Variants in NRXN1 observed in about 807,000 individuals in gnomAD.
NRXN1 encodes the protein neurexin-1.
In NRXN1, 39 loss-of-function variants were observed where a neutral mutation model predicts 150.9. That is an observed-to-expected ratio of 0.26 (90% CI 0.20 to 0.34). The LOEUF (loss-of-function observed/expected upper bound fraction) is 0.34. Ranked by LOEUF, NRXN1 falls within the 10% of genes least tolerant of loss-of-function variation. The probability of loss-of-function intolerance (pLI) is 1.00; values close to 1 mark genes in which losing one functional copy is unlikely to be tolerated. For missense variants in NRXN1, 1,815 were observed against 1,949.9 expected (o/e 0.93, Z 1.30); for synonymous variants, 924 against 757.0 (o/e 1.22, Z -3.62).
intron 17 of NRXN1, among the ~76,000 whole-genome samples, chr2:50,453,346 A>C (rs947842857): frequency 1.3e-5 from 2 of 152,192 alleles, no homozygotes; most frequent in African/African-American, 2.4e-5. Context: ...GACAATGCTG[A>C]TCCAGGTACC....
intron 21 of NRXN1, among the ~76,000 whole-genome samples, chr2:49,965,089 A>T (rs766083544): frequency 1.3e-5 from 2 of 151,952 alleles, no homozygotes. Flanking sequence ...CACGTTTCCC[A>T]GGCTGGTCTC....
At chr2:50,066,050 T>C (rs921084994) in intron 19 of NRXN1, among the ~76,000 whole-genome samples, 1 of 152,176 alleles carries the variant, frequency 6.6e-6, no homozygotes, top group East Asian at 1.9e-4. Flanking sequence ...AAGGCGTATA[T>C]TTACAACTGC....
At chr2:50,123,496 T>C (rs1170320659) in intron 18 of NRXN1, among the ~76,000 whole-genome samples, 1 of 152,058 alleles carries the variant, frequency 6.6e-6, no homozygotes, top group Non-Finnish European at 1.5e-5. Flanking sequence ...AACTTTTGGA[T>C]TTTACTCTGG....
At chr2:50,837,537 T>C (rs981608039) in intron 5 of NRXN1, among the ~76,000 whole-genome samples, 1 of 152,276 alleles carries the variant, frequency 6.6e-6, no homozygotes. Context: ...AAGATTTAAA[T>C]GGCAACATTT....
chr2:50,978,271 C>CAT (rs10671122), intron 2 of NRXN1, among the ~76,000 whole-genome samples: 1,744 of 94,822 alleles, frequency 0.018, 40 homozygotes, highest in African/African-American at 0.034. Context: ...GGATATTATA[C>CAT]ATATATATAT....
chr2:49,973,662 G>T, intron 21 of NRXN1: 1 of 364,270 alleles, frequency 2.7e-6, no homozygotes, highest in Non-Finnish European at 5.0e-6. Context: ...GGTTGTTTTT[G>T]CCACAAGCAT....
intron 8 of NRXN1, chr2:50,615,818 C>T (rs1678967858): frequency 6.6e-6 from 1 of 152,112 alleles, no homozygotes; most frequent in African/African-American, 2.4e-5. Context: ...ACCTCCTCTC[C>T]TTTTGTAGCA....
chr2:50,748,605 C>T (rs1461274755), intron 5 of NRXN1, among the ~76,000 whole-genome samples: 7 of 152,118 alleles, frequency 4.6e-5, no homozygotes, highest in Non-Finnish European at 8.8e-5. Context: ...TACAGGGCTC[C>T]GTGGGCTTCC....
chr2:50,250,824 T>C (rs2066967841), intron 17 of NRXN1, among the ~76,000 whole-genome samples: 1 of 151,808 alleles, frequency 6.6e-6, no homozygotes, highest in Non-Finnish European at 1.5e-5. Flanking sequence ...GGGATACATG[T>C]GCAGTACGTG....
intron 2 of NRXN1, among the ~76,000 whole-genome samples, chr2:50,946,164 A>G (rs1209003552): frequency 6.6e-6 from 1 of 152,030 alleles, no homozygotes; most frequent in Non-Finnish European, 1.5e-5. Context: ...CCCAAGGTAC[A>G]CTAGTCATGA....
chr2:50,494,517 T>C (rs866664746), intron 15 of NRXN1, among the ~76,000 whole-genome samples: 1 of 152,168 alleles, frequency 6.6e-6, no homozygotes, highest in African/African-American at 2.4e-5. Flanking sequence ...TTGAATTTCA[T>C]TTTATTTTTT....
chr2:50,956,160 T>TGA lies in NRXN1; in HGVS notation c.773-30207_773-30206dup, dbSNP rs1692249990. On this transcript the variant is annotated intron_variant, in intron 2 of 22. Transcript: ENST00000401669. The stretch of plus-strand genomic sequence containing the variant: ...AGAGGTACACAACAGTAACATATTT[T>TGA]GAGAGAGAGAGATCACATTCACATA... Among the ~76,000 whole-genome samples the TGA allele has an allele frequency of 1.2e-4, 18 of 152,152 alleles. No homozygotes were observed. The South Asian group carries it at 3.3e-3, about 28-fold the overall frequency.
At chr2:50,752,541 T>C (rs1446394365) in intron 5 of NRXN1, among the ~76,000 whole-genome samples, 3 of 151,954 alleles carry the variant, frequency 2.0e-5, no homozygotes, top group African/African-American at 4.8e-5. Flanking sequence ...CTACGTTGTA[T>C]GGCTAATCAG....
chr2:50,254,575 C>A (rs1490470274), intron 17 of NRXN1, among the ~76,000 whole-genome samples: 1 of 150,492 alleles, frequency 6.6e-6, no homozygotes, highest in Non-Finnish European at 1.5e-5. Context: ...TCCCTCTTAA[C>A]AATGCTTTAG....
At chr2:50,295,455 A>G (rs560616931) in intron 17 of NRXN1, among the ~76,000 whole-genome samples, 23 of 152,192 alleles carry the variant, frequency 1.5e-4, no homozygotes, top group Non-Finnish European at 2.8e-4. Context: ...GGAAGAGTAA[A>G]TAATTGTTTA....
At chr2:50,760,227 A>T (rs1701650550) in intron 5 of NRXN1, among the ~76,000 whole-genome samples, 1 of 151,918 alleles carries the variant, frequency 6.6e-6, no homozygotes, top group Admixed American at 6.6e-5. Context: ...CTGAGTTATT[A>T]GGCAAGTTTC....
chr2:50,251,736 C>T (rs538476873), intron 17 of NRXN1, among the ~76,000 whole-genome samples: 28 of 152,038 alleles, frequency 1.8e-4, no homozygotes, highest in African/African-American at 6.5e-4. Context: ...GACTGCTGTG[C>T]GATAGTATAC....
At chr2:50,962,694 CT>C (rs1030537038) in intron 2 of NRXN1, among the ~76,000 whole-genome samples, 11 of 151,576 alleles carry the variant, frequency 7.3e-5, no homozygotes, top group African/African-American at 2.7e-4. Flanking sequence ...TATAAATTGC[CT>C]TTAGTTTTTT....
chr2:50,951,072 G>A (rs1163305695), intron 2 of NRXN1, among the ~76,000 whole-genome samples: 1 of 152,106 alleles, frequency 6.6e-6, no homozygotes. Flanking sequence ...TAATATACTG[G>A]GAATTAATGT....
Sources: gnomAD v4.1 joint callset for allele counts (sites outside exome capture counted in the v4.1 genomes callset) on GRCh38, gnomAD v4.1.1 for gene constraint, MANE v1.5 for transcripts, NCBI Gene and HGNC (gene_info 2026-07-23, HGNC 2026-07-21) for gene names.